The following ADAMTS20 variants were observed in gnomAD, a reference collection of about 807,000 sequenced individuals.
ADAMTS20 encodes the protein ADAM metallopeptidase with thrombospondin type 1 motif 20.
Under a neutral mutation model 260.1 loss-of-function variants are expected in ADAMTS20, and 225 were observed. The observed-to-expected ratio is 0.87, with a 90% CI of 0.78 to 0.97. ADAMTS20 has a LOEUF of 0.97. Ranked by LOEUF, ADAMTS20 falls within the 50% of genes least tolerant of loss-of-function variation. The probability of loss-of-function intolerance (pLI) is 0.00; values close to 1 mark genes in which losing one functional copy is unlikely to be tolerated. For missense variants in ADAMTS20, 2,400 were observed against 2,337.7 expected, an observed-to-expected ratio of 1.03 and a Z score of -0.55; for synonymous variants, 802 against 769.5, an observed-to-expected ratio of 1.04 and a Z score of -0.70.
chr12:43,529,733 A>G (rs968581081), intron 3 of ADAMTS20, among the ~76,000 whole-genome samples: 2 of 152,164 alleles, frequency 1.3e-5, no homozygotes, highest in Non-Finnish European at 2.9e-5. Flanking sequence ...CAAGTGCACT[A>G]AAATATCAGA....
intron 11 of ADAMTS20, among the ~76,000 whole-genome samples, chr12:43,459,169 C>T (rs181095467): frequency 2.4e-3 from 366 of 152,294 alleles, no homozygotes; most frequent in Middle Eastern, 3.4e-3. Flanking sequence ...TCACTTGCCG[C>T]CTACCACTGC....
intron 3 of ADAMTS20, among the ~76,000 whole-genome samples, chr12:43,512,604 C>T (rs940972199): frequency 7.2e-5 from 11 of 151,938 alleles, no homozygotes; most frequent in Admixed American, 5.3e-4. Context: ...AAGAGTTTCA[C>T]GAGTTAATAA....
Position 43,523,131 on chromosome 12 carries a change from G to A in ADAMTS20, c.613+8905C>T, listed in dbSNP as rs527629818. On this transcript the variant is annotated intron_variant, in intron 3 of 38. Transcript: ENST00000389420. ...ATATAAGACCTTTGGTCCCCAAAAT[G>A]TGCAAGGGGGAGAGACTGCCTCCAG... is the stretch of plus-strand genomic sequence containing the variant. 7.2e-5 allele frequency among the ~76,000 whole-genome samples: 11 copies of A among 152,288 alleles called. No homozygotes were observed. In the South Asian group the frequency reaches 8.3e-4, roughly 11 times the overall value.
intron 2 of ADAMTS20, among the ~76,000 whole-genome samples, chr12:43,549,316 T>C (rs1943481931): frequency 6.6e-6 from 1 of 151,942 alleles, no homozygotes; most frequent in African/African-American, 2.4e-5. Context: ...AAAAGTATGA[T>C]GATGACTTGG....
chr12:43,377,478 G>C lies in ADAMTS20; in HGVS notation c.4882C>G (p.Arg1628Gly). 1 of 1,613,690 alleles carries C rather than the reference G, an allele frequency of 6.2e-7. No individual in the cohort carries two copies. Among genetic ancestry groups the C allele is most frequent in the Non-Finnish European group, 8.5e-7 (1 of 1,179,712 alleles). ...TCTTGATAAACTATAGGCCGAAGTC[G>C]ATGGAGCTTATGTTTCTTAGTAGAT... Reference protein sequence around the residue: ...IPSTKKHKLHRLRPIVYQECP... With the variant: ...IPSTKKHKLHGLRPIVYQECP... The change falls in exon 32 of 39, where the codon CGA becomes GGA. Residue 1628 changes from arginine (R) to glycine (G), a missense_variant. Coordinates refer to ENST00000389420, the MANE Select transcript of ADAMTS20 (RefSeq NM_025003.5).
intron 11 of ADAMTS20, among the ~76,000 whole-genome samples, chr12:43,461,047 A>G (rs951584386): frequency 1.5e-5 from 2 of 135,662 alleles, no homozygotes; most frequent in Non-Finnish European, 3.1e-5. Context: ...TAGTAGTGCA[A>G]AGGCGTGATC....
intron 18 of ADAMTS20, among the ~76,000 whole-genome samples, chr12:43,436,140 G>A (rs1273715025): frequency 1.3e-5 from 2 of 152,092 alleles, no homozygotes; most frequent in African/African-American, 2.4e-5. Flanking sequence ...AAAAGTAGAT[G>A]GAAATAACTA....
intron 36 of ADAMTS20, among the ~76,000 whole-genome samples, chr12:43,374,480 C>T (rs201500421): frequency 9.9e-5 from 15 of 152,154 alleles, no homozygotes; most frequent in South Asian, 4.1e-4. Flanking sequence ...TCTATAAATA[C>T]GTTTTGACTT....
intron 7 of ADAMTS20, among the ~76,000 whole-genome samples, chr12:43,489,749 A>G (rs953366170): frequency 9.2e-5 from 14 of 151,954 alleles, no homozygotes; most frequent in African/African-American, 3.4e-4. Context: ...TAGCTCTTCC[A>G]GTGAAGTTCA....
rs1363437766 is a variant in ADAMTS20 at position 43,458,237 on chromosome 12, G to A, written c.1615-4185C>T. Among the ~76,000 whole-genome samples, 4 of 152,296 alleles carry A rather than the reference G, an allele frequency of 2.6e-5. No homozygotes were observed. In the East Asian group the frequency reaches 7.7e-4, roughly 29 times the overall value. On this transcript the variant is annotated intron_variant, in intron 11 of 38. Transcript: ENST00000389420. ...GACAGACAGATGGTTGCATTCTTTT[G>A]AGTTTCTGATAAGTATTTCCAAAGG...
chr12:43,536,551 G>A (rs534441910), intron 2 of ADAMTS20, among the ~76,000 whole-genome samples: 6 of 152,274 alleles, frequency 3.9e-5, no homozygotes, highest in African/African-American at 1.4e-4. Flanking sequence ...GGTGAGAGTG[G>A]GGAGGCACTC....
chr12:43,382,064 G>T (rs1397707705), intron 31 of ADAMTS20, among the ~76,000 whole-genome samples: 2 of 152,106 alleles, frequency 1.3e-5, no homozygotes, highest in African/African-American at 4.8e-5. Context: ...TGTGGCCACT[G>T]TGGAAAACAG....
In ADAMTS20 at chr12:43,550,969, GTA is replaced by G. The variant is rs1485032528; in HGVS notation, c.391_392del (p.Tyr131ProfsTer25). 1 of 1,605,270 alleles carries G rather than the reference GTA, an allele frequency of 6.2e-7. No individual in the cohort carries two copies. Among genetic ancestry groups the G allele is most frequent in the Admixed American group, 1.7e-5 (1 of 59,290 alleles). Reference protein sequence around the residue: ...AGPSDLRHCFYRGQVNSQEDY... With the variant: ...AGPSDLRHCFXRGQVNSQEDY... ...CCTCCTGTGAGTTGACCTGGCCGCG[GTA>G]GAAGCAGTGGCGCAGGTCCGAGGGC... On this transcript the variant is annotated frameshift_variant, in exon 2 of 39. Coordinates refer to ENST00000389420, the MANE Select transcript of ADAMTS20 (RefSeq NM_025003.5). LOFTEE classifies it high-confidence loss of function.
chr12:43,505,061 C>G (rs921704031), intron 3 of ADAMTS20, among the ~76,000 whole-genome samples: 1 of 152,098 alleles, frequency 6.6e-6, no homozygotes, highest in African/African-American at 2.4e-5. Context: ...GCAATAGAGA[C>G]CCCAGATATA....
chr12:43,513,453 G>A (rs1942952763), intron 3 of ADAMTS20, among the ~76,000 whole-genome samples: 1 of 152,062 alleles, frequency 6.6e-6, no homozygotes, highest in African/African-American at 2.4e-5. Flanking sequence ...ATGCACACCT[G>A]CTGTCTCTTT....
intron 31 of ADAMTS20, among the ~76,000 whole-genome samples, chr12:43,380,991 T>C (rs1305522072): frequency 5.9e-5 from 9 of 152,158 alleles, no homozygotes. Context: ...AAACTTACTA[T>C]AAAATTACAG....
At chr12:43,464,132 A>G (rs1477408945) in intron 10 of ADAMTS20, among the ~76,000 whole-genome samples, 3 of 152,124 alleles carry the variant, frequency 2.0e-5, no homozygotes, top group Non-Finnish European at 4.4e-5. Flanking sequence ...ATAATAGCTC[A>G]ATGAAAAACT....
chr12:43,372,308 C>CA (rs1215245321), intron 36 of ADAMTS20, among the ~76,000 whole-genome samples: 1 of 152,088 alleles, frequency 6.6e-6, no homozygotes, highest in Non-Finnish European at 1.5e-5. Context: ...AAGAAAGACA[C>CA]AAAACCATTA....
chr12:43,456,411 C>T (rs749226807), intron 11 of ADAMTS20, among the ~76,000 whole-genome samples: 3 of 152,114 alleles, frequency 2.0e-5, no homozygotes, highest in Non-Finnish European at 2.9e-5. Flanking sequence ...CCAGCTACTG[C>T]TCTGCTTCTC....
Sources: gnomAD v4.1 joint callset for allele counts (sites outside exome capture counted in the v4.1 genomes callset) on GRCh38, gnomAD v4.1.1 for gene constraint, MANE v1.5 for transcripts, NCBI Gene and HGNC (gene_info 2026-07-23, HGNC 2026-07-21) for gene names.